Variants in RABGAP1L observed in about 807,000 individuals in gnomAD.
RABGAP1L encodes RAB GTPase activating protein 1 like.
Under a neutral mutation model 137.7 loss-of-function variants are expected in RABGAP1L, and 63 were observed. The observed-to-expected ratio is 0.46, with a 90% CI of 0.37 to 0.56. The LOEUF is 0.56. RABGAP1L is among the 20% of genes least tolerant of loss of function. RABGAP1L has a pLI of 0.00. For synonymous variants in RABGAP1L, 431 were observed against 433.7 expected, an observed-to-expected ratio of 0.99 and a Z score of 0.08; for missense variants, 1,095 against 1,244.0, an observed-to-expected ratio of 0.88 and a Z score of 1.80.
intron 14 of RABGAP1L, among the ~76,000 whole-genome samples, chr1:174,662,109 T>TC (rs1676422504): frequency 1.8e-5 from 2 of 114,284 alleles, no homozygotes; most frequent in Non-Finnish European, 1.7e-5. Flanking sequence ...TTTCTTTTTT[T>TC]TTTTTTTTTT....
chr1:174,877,844 C>G (rs16847585), intron 19 of RABGAP1L, among the ~76,000 whole-genome samples: 9,531 of 152,090 alleles, frequency 0.063, 1,048 homozygotes, highest in African/African-American at 0.22. Flanking sequence ...ATCACTTTGT[C>G]TTAAGTTTCT....
At chr1:174,218,726 G>A (rs1229064977) in intron 1 of RABGAP1L, among the ~76,000 whole-genome samples, 1 of 152,018 alleles carries the variant, frequency 6.6e-6, no homozygotes, top group Admixed American at 6.6e-5. Context: ...ATATAGCAGT[G>A]TCAGTGAATA....
At chr1:174,837,026 A>G (rs1754350) in intron 19 of RABGAP1L, among the ~76,000 whole-genome samples, 98,253 of 152,070 alleles carry the variant, frequency 0.65, 34,249 homozygotes, top group East Asian at 0.93. Context: ...GGCCAACATG[A>G]TGAAACCCCA....
chr1:174,535,071 G>A (rs1664794988), intron 13 of RABGAP1L, among the ~76,000 whole-genome samples: 1 of 152,128 alleles, frequency 6.6e-6, no homozygotes, highest in Admixed American at 6.5e-5. Context: ...GTTTTTGAAT[G>A]CCACTGTTCA....
At chr1:174,833,072 A>G (rs1407503162) in intron 19 of RABGAP1L, among the ~76,000 whole-genome samples, 1 of 152,182 alleles carries the variant, frequency 6.6e-6, no homozygotes, top group East Asian at 1.9e-4. Flanking sequence ...ATGGTTTCAG[A>G]GTCTTTGCTT....
intron 13 of RABGAP1L, among the ~76,000 whole-genome samples, chr1:174,528,120 T>G (rs1189017883): frequency 6.6e-6 from 1 of 152,106 alleles, no homozygotes; most frequent in African/African-American, 2.4e-5. Context: ...ATCTATTAAG[T>G]GAAGAGTTTA....
At chr1:174,238,966 CGTG>C (rs1181143909) in intron 4 of RABGAP1L, 1 of 158,192 alleles carries the variant, frequency 6.3e-6, no homozygotes, top group Non-Finnish European at 1.4e-5. Flanking sequence ...GATATAGTCT[CGTG>C]GTGCGCCCTT....
At chr1:174,194,274 G>A (rs975166561) in intron 1 of RABGAP1L, among the ~76,000 whole-genome samples, 3 of 145,346 alleles carry the variant, frequency 2.1e-5, no homozygotes, top group African/African-American at 7.8e-5. Context: ...TTGCCCTGTC[G>A]CCCAGGCTGG....
intron 13 of RABGAP1L, among the ~76,000 whole-genome samples, chr1:174,415,312 A>C (rs1284007385): frequency 1.3e-5 from 2 of 152,124 alleles, no homozygotes; most frequent in African/African-American, 4.8e-5. Context: ...TTAAGCACAT[A>C]ATAGACTTCA....
intron 17 of RABGAP1L, among the ~76,000 whole-genome samples, chr1:174,707,406 C>A (rs1419390749): frequency 6.6e-6 from 1 of 152,090 alleles, no homozygotes; most frequent in African/African-American, 2.4e-5. Context: ...CCCTTTAGTG[C>A]TTTTATGAGA....
chr1:174,271,258 T>A (rs1326391769), intron 7 of RABGAP1L, among the ~76,000 whole-genome samples: 2 of 152,114 alleles, frequency 1.3e-5, no homozygotes, highest in Non-Finnish European at 2.9e-5. Flanking sequence ...CAAGAACTTA[T>A]AGGAAGTATA....
At chr1:174,712,159 C>A (rs1680584190) in intron 17 of RABGAP1L, among the ~76,000 whole-genome samples, 1 of 152,190 alleles carries the variant, frequency 6.6e-6, no homozygotes, top group Non-Finnish European at 1.5e-5. Flanking sequence ...ACGGACCAAT[C>A]AGCTCTCTGT....
chr1:174,565,396 G>A (rs188824821), intron 13 of RABGAP1L, among the ~76,000 whole-genome samples: 29 of 152,158 alleles, frequency 1.9e-4, no homozygotes, highest in Non-Finnish European at 8.8e-5. Context: ...TGCTTCCTTA[G>A]ATTTTAATTA....
chr1:174,988,794 G>C lies in RABGAP1L; in HGVS notation c.2959G>C (p.Ala987Pro). 6.5e-7 allele frequency: 1 copy of C among 1,546,552 alleles called. No individual in the cohort carries two copies. Among genetic ancestry groups the C allele is most frequent in the East Asian group, 2.5e-5 (1 of 40,770 alleles). The change falls in exon 25 of 26, where the codon GCA becomes CCA. Residue 987 changes from alanine (A) to proline (P), a missense_variant. Coordinates refer to ENST00000681986, the MANE Select transcript of RABGAP1L (RefSeq NM_001366446.1). ...GCTGAGAGAGATGGAACTGGAACTGGCACAAACCAAACTGCAGTTGGTGGA... is the reference window on the plus strand; with the variant it reads ...GCTGAGAGAGATGGAACTGGAACTGCCACAAACCAAACTGCAGTTGGTGGA... ...KQLREMELEL[A>P]QTKLQLVEAK...
At position 174,580,344 on chromosome 1, in the gene RABGAP1L, C is replaced by T. The variant is rs186304451; in HGVS notation, c.1711-57031C>T. Among the ~76,000 whole-genome samples, 1,063 of 152,156 alleles carry T rather than the reference C, an allele frequency of 7.0e-3. 4 individuals are homozygous for T. Among genetic ancestry groups the T allele is most frequent in the Non-Finnish European group, 9.5e-3 (648 of 68,002 alleles). On this transcript the variant is annotated intron_variant, in intron 13 of 25. Transcript: ENST00000681986. Reference sequence around the variant, plus strand: ...GACACATGCACACATATGTTTATTGCGGCACTATTCACAATAGCAAAGACT... The same window carrying T: ...GACACATGCACACATATGTTTATTGTGGCACTATTCACAATAGCAAAGACT...
At chr1:174,470,387 T>C (rs917896332) in intron 13 of RABGAP1L, among the ~76,000 whole-genome samples, 1 of 152,206 alleles carries the variant, frequency 6.6e-6, no homozygotes, top group African/African-American at 2.4e-5. Context: ...TGATACTGAA[T>C]TAAATTTCCA....
chr1:174,694,140 A>G (rs1252282612), intron 15 of RABGAP1L, among the ~76,000 whole-genome samples: 1 of 152,220 alleles, frequency 6.6e-6, no homozygotes, highest in Non-Finnish European at 1.5e-5. Flanking sequence ...ATATGCAAAT[A>G]TAACATATAT....
At chr1:174,892,105 G>T (rs771895882) in intron 19 of RABGAP1L, among the ~76,000 whole-genome samples, 1 of 152,208 alleles carries the variant, frequency 6.6e-6, no homozygotes, top group Non-Finnish European at 1.5e-5. Flanking sequence ...ACCTCCAACC[G>T]GCCTGGAGCC....
intron 19 of RABGAP1L, among the ~76,000 whole-genome samples, chr1:174,888,549 T>C (rs568649921): frequency 6.6e-6 from 1 of 152,334 alleles, no homozygotes; most frequent in South Asian, 2.1e-4. Context: ...GTCAGCTTTT[T>C]TTATTTTGGA....
Sources: allele counts gnomAD v4.1 joint callset (sites outside exome capture counted in the v4.1 genomes callset), GRCh38; gene constraint gnomAD v4.1.1; transcripts MANE v1.5; gene names NCBI Gene and HGNC (gene_info 2026-07-23, HGNC 2026-07-21).